The following CECR2 variants were observed in gnomAD, a reference collection of about 807,000 sequenced individuals.
CECR2 encodes the protein CECR2 histone acetyl-lysine reader, also known as chromatin remodeling regulator CECR2.
In CECR2, 30 loss-of-function variants were observed where a neutral mutation model predicts 154.5. The observed-to-expected ratio is 0.19, with a 90% CI of 0.15 to 0.26. The LOEUF (loss-of-function observed/expected upper bound fraction) is 0.26. CECR2 is among the 10% of genes least tolerant of loss of function. The pLI is 1.00. For missense variants in CECR2, 1,743 were observed against 1,829.3 expected (o/e 0.95, Z 0.86); for synonymous variants, 725 against 683.7 (o/e 1.06, Z -0.94).
chr22:17,418,561 T>C (rs16982402), intron 1 of CECR2: 28,162 of 155,454 alleles, frequency 0.18, 3,294 homozygotes, highest in African/African-American at 0.33. Flanking sequence ...AGCTGTGCAA[T>C]CATGTAACTA....
At chr22:17,414,161 A>AC (rs2054114999) in intron 1 of CECR2, among the ~76,000 whole-genome samples, 1 of 150,662 alleles carries the variant, frequency 6.6e-6, no homozygotes, top group Non-Finnish European at 1.5e-5. Context: ...TTTAGTAGAG[A>AC]TGGGATTTCA....
chr22:17,419,918 C>T (rs1313134319), intron 1 of CECR2: 1 of 200,628 alleles, frequency 5.0e-6, no homozygotes. Context: ...AAATTGTGAC[C>T]ATTTAACTTT....
intron 9 of CECR2, among the ~76,000 whole-genome samples, chr22:17,536,609 A>G (rs1428310912): frequency 6.6e-6 from 1 of 152,222 alleles, no homozygotes; most frequent in Non-Finnish European, 1.5e-5. Context: ...GGATGCCTTC[A>G]TAAACGCAGA....
intron 1 of CECR2, among the ~76,000 whole-genome samples, chr22:17,472,784 A>C (rs921333181): frequency 3.3e-5 from 5 of 152,192 alleles, no homozygotes; most frequent in Admixed American, 2.0e-4. Flanking sequence ...TATTTAAGAA[A>C]AGTTGTGTTA....
At chr22:17,372,242 G>C (rs1390567428) in intron 1 of CECR2, among the ~76,000 whole-genome samples, 2 of 152,120 alleles carry the variant, frequency 1.3e-5, no homozygotes, top group African/African-American at 4.8e-5. Context: ...CTCACCTGCA[G>C]TTTTTGTCTA....
At chr22:17,486,118 G>A (rs1390970998) in intron 2 of CECR2, among the ~76,000 whole-genome samples, 1 of 152,120 alleles carries the variant, frequency 6.6e-6, no homozygotes, top group African/African-American at 2.4e-5. Context: ...TAGCTGAGAT[G>A]ACAGGCAGGC....
intron 9 of CECR2, among the ~76,000 whole-genome samples, chr22:17,526,635 C>A (rs1288874619): frequency 6.6e-6 from 1 of 151,720 alleles, no homozygotes; most frequent in African/African-American, 2.4e-5. Context: ...GTGTTGAAAC[C>A]CCGTCTCTAC....
chr22:17,369,165 G>C (rs2063022936), upstream of CECR2, among the ~76,000 whole-genome samples: 1 of 151,984 alleles, frequency 6.6e-6, no homozygotes, highest in Non-Finnish European at 1.5e-5. Flanking sequence ...AGTGGGGGTG[G>C]GAGAGCTCCT....
intron 5 of CECR2, among the ~76,000 whole-genome samples, chr22:17,501,380 A>T (rs565486390): frequency 1.3e-5 from 2 of 152,252 alleles, no homozygotes; most frequent in South Asian, 4.1e-4. Flanking sequence ...AACACGGTGA[A>T]ACCCCGTCTC....
In CECR2 at chr22:17,369,608, C is replaced by T. The variant is rs1204561218; in HGVS notation, c.-176C>T. On this transcript the variant is annotated 5_prime_UTR_variant, in exon 1 of 19. Transcript: ENST00000262608. ...TTCGGGCCCCCGCGCCGCCGCCCCC[C>T]GCCCGGCGCCCGCCCTCGGCTCCTG... The T allele has an allele frequency of 6.8e-6, 1 of 146,814 alleles. No individual in the cohort carries two copies. The highest frequency in any genetic ancestry group is 1.5e-5 in the Non-Finnish European group (1 of 65,890). The allele number at this position is 146,814 out of a possible 1,614,324, so 9.1% of individuals were successfully genotyped here.
At chr22:17,477,783 T>C in intron 2 of CECR2, 101 bp downstream of exon 2, 1 of 830,308 alleles carries the variant, frequency 1.2e-6, no homozygotes, top group South Asian at 1.4e-5. Context: ...AACCGATCAT[T>C]AGGCATCACG....
At chr22:17,408,163 G>A (rs1022760914) in intron 1 of CECR2, among the ~76,000 whole-genome samples, 11 of 152,042 alleles carry the variant, frequency 7.2e-5, no homozygotes, top group Non-Finnish European at 1.5e-4. Context: ...GTTCCAAGAC[G>A]TTTTTATCAC....
intron 1 of CECR2, among the ~76,000 whole-genome samples, chr22:17,374,919 T>C (rs2063099929): frequency 6.6e-6 from 1 of 152,036 alleles, no homozygotes; most frequent in Admixed American, 6.6e-5. Context: ...TGCCTGTTTC[T>C]ACCACATCGC....
intron 9 of CECR2, among the ~76,000 whole-genome samples, chr22:17,535,466 A>G (rs1159420955): frequency 1.3e-5 from 2 of 152,166 alleles, no homozygotes; most frequent in African/African-American, 2.4e-5. Flanking sequence ...CATGCTTGAG[A>G]AGACATGTTT....
rs778447767 is a variant in CECR2 at position 17,549,115 on chromosome 22, TGGTCCA to T, written c.3830_3835del (p.Gly1277_Pro1278del). ...AAGTCCCAAATGACGGGCAGAATCC[TGGTCCA>T]GAGGAAGAGAAGCTGGATGAATCTA... On this transcript the variant is annotated inframe_deletion, in exon 17 of 19. Coordinates refer to ENST00000262608, the MANE Select transcript of CECR2 (RefSeq NM_001290047.2). The T allele has an allele frequency of 9.3e-6, 15 of 1,613,906 alleles. No homozygotes were observed. In the African/African-American group the frequency reaches 1.9e-4, roughly 20 times the overall value.
chr22:17,504,603 A>ATTT (rs35041905), intron 6 of CECR2, among the ~76,000 whole-genome samples: 7 of 145,772 alleles, frequency 4.8e-5, no homozygotes, highest in Admixed American at 6.8e-5. Flanking sequence ...CGCCCGGCTA[A>ATTT]TTTTTTTTTT....
chr22:17,384,888 G>A (rs2063240597), intron 1 of CECR2, among the ~76,000 whole-genome samples: 1 of 152,180 alleles, frequency 6.6e-6, no homozygotes, highest in Non-Finnish European at 1.5e-5. Context: ...AATCTGTTGT[G>A]TATTCATCCT....
intron 8 of CECR2, among the ~76,000 whole-genome samples, chr22:17,521,134 T>C (rs1444141229): frequency 6.6e-6 from 1 of 152,252 alleles, no homozygotes; most frequent in Non-Finnish European, 1.5e-5. Context: ...ATCGCCATTC[T>C]AACTGGCGTG....
chr22:17,437,191 A>C (rs5992708), intron 1 of CECR2, among the ~76,000 whole-genome samples: 12,205 of 151,930 alleles, frequency 0.08, 1,036 homozygotes, highest in African/African-American at 0.22. Context: ...TCTGCCTTCC[A>C]TGTCTTCCCC....
Sources: allele counts gnomAD v4.1 joint callset (sites outside exome capture counted in the v4.1 genomes callset), GRCh38; gene constraint gnomAD v4.1.1; transcripts MANE v1.5; gene names NCBI Gene and HGNC (gene_info 2026-07-23, HGNC 2026-07-21).